Variants in EPHA6 observed in about 807,000 individuals in gnomAD.
The protein encoded by EPHA6 is EPH receptor A6, also known as ephrin type-A receptor 6.
A neutral mutation model predicts 112.0 loss-of-function variants in EPHA6; 50 were observed. The observed-to-expected ratio is 0.45, with a 90% CI of 0.36 to 0.56. The LOEUF is 0.56. EPHA6 is among the 20% of genes least tolerant of loss of function. EPHA6 has a pLI of 0.00. For missense variants in EPHA6, 1,280 were observed against 1,417.4 expected, an observed-to-expected ratio of 0.90 and a Z score of 1.56; for synonymous variants, 529 against 490.7, an observed-to-expected ratio of 1.08 and a Z score of -1.03.
intron 2 of EPHA6, among the ~76,000 whole-genome samples, chr3:96,882,405 G>T (rs1057068777): frequency 6.6e-6 from 1 of 152,130 alleles, no homozygotes; most frequent in African/African-American, 2.4e-5. Context: ...TTACATGCAT[G>T]AGTAAGTTCT....
At chr3:97,277,861 C>T (rs1249355429) in intron 5 of EPHA6, among the ~76,000 whole-genome samples, 3 of 152,122 alleles carry the variant, frequency 2.0e-5, no homozygotes, top group Non-Finnish European at 4.4e-5. Flanking sequence ...GACATGATTG[C>T]ATGCTATTGA....
At chr3:97,380,813 G>C (rs1213513530) in intron 5 of EPHA6, among the ~76,000 whole-genome samples, 1 of 151,938 alleles carries the variant, frequency 6.6e-6, no homozygotes, top group Non-Finnish European at 1.5e-5. Context: ...TTCCTTTTTA[G>C]ATATATTATT....
intron 2 of EPHA6, among the ~76,000 whole-genome samples, chr3:96,870,728 A>T (rs116586497): frequency 0.01 from 1,581 of 152,250 alleles, 26 homozygotes; most frequent in African/African-American, 0.036. Flanking sequence ...AGCAGAGATT[A>T]CAATCAACCT....
chr3:96,869,901 C>G (rs1245041576), intron 2 of EPHA6, among the ~76,000 whole-genome samples: 3 of 151,958 alleles, frequency 2.0e-5, no homozygotes, highest in African/African-American at 7.2e-5. Flanking sequence ...TTGTGTTTCT[C>G]TAATACTGAA....
intron 6 of EPHA6, among the ~76,000 whole-genome samples, chr3:97,420,559 CTG>C (rs954985504): frequency 6.6e-6 from 1 of 152,048 alleles, no homozygotes; most frequent in Non-Finnish European, 1.5e-5. Context: ...TGGATAAAAA[CTG>C]TTCCCAACAC....
intron 11 of EPHA6, among the ~76,000 whole-genome samples, chr3:97,535,612 C>T (rs773147172): frequency 2.6e-5 from 4 of 151,982 alleles, no homozygotes; most frequent in Non-Finnish European, 5.9e-5. Context: ...AGTAATTATT[C>T]CAAGATTACC....
At chr3:96,994,149 C>A in intron 3 of EPHA6, 1 of 291,364 alleles carries the variant, frequency 3.4e-6, no homozygotes, top group Non-Finnish European at 7.1e-6. Flanking sequence ...GCTGTATGAA[C>A]CAGGCTTAAA....
At chr3:96,927,752 A>G (rs2040112341) in intron 2 of EPHA6, among the ~76,000 whole-genome samples, 1 of 152,082 alleles carries the variant, frequency 6.6e-6, no homozygotes, top group Non-Finnish European at 1.5e-5. Flanking sequence ...CCCTGTTCCA[A>G]AGTCACTTCC....
chr3:96,850,824 A>C (rs914269845), intron 1 of EPHA6, among the ~76,000 whole-genome samples: 1 of 152,160 alleles, frequency 6.6e-6, no homozygotes, highest in Non-Finnish European at 1.5e-5. Flanking sequence ...ATCAGATTTC[A>C]TTGGAAGATG....
At chr3:96,947,721 A>G (rs373853966) in intron 2 of EPHA6, among the ~76,000 whole-genome samples, 1 of 152,208 alleles carries the variant, frequency 6.6e-6, no homozygotes, top group Non-Finnish European at 1.5e-5. Context: ...AAGGAGAACT[A>G]CAAACCACTG....
intron 2 of EPHA6, among the ~76,000 whole-genome samples, chr3:96,930,540 T>C (rs1178806284): frequency 6.6e-6 from 1 of 152,210 alleles, no homozygotes; most frequent in Non-Finnish European, 1.5e-5. Flanking sequence ...AATTGAAGGC[T>C]GTGAAACAGC....
intron 7 of EPHA6, among the ~76,000 whole-genome samples, chr3:97,454,336 G>A (rs1195438638): frequency 3.3e-5 from 5 of 151,526 alleles, no homozygotes; most frequent in Admixed American, 3.3e-4. Flanking sequence ...CACATAGTTA[G>A]GTTCCAATAT....
chr3:97,309,552 A>G (rs1188366197), intron 5 of EPHA6, among the ~76,000 whole-genome samples: 2 of 151,662 alleles, frequency 1.3e-5, no homozygotes, highest in Non-Finnish European at 3.0e-5. Flanking sequence ...ACAGAAATCA[A>G]ATAGTTAACT....
At chr3:97,602,415 A>T (rs988814696) in intron 12 of EPHA6, among the ~76,000 whole-genome samples, 3 of 151,992 alleles carry the variant, frequency 2.0e-5, no homozygotes, top group African/African-American at 4.8e-5. Context: ...CTTCCAGGAT[A>T]TTTCTAGGAT....
At chr3:97,538,221 G>A (rs983558402) in intron 11 of EPHA6, among the ~76,000 whole-genome samples, 8 of 152,094 alleles carry the variant, frequency 5.3e-5, no homozygotes, top group African/African-American at 1.9e-4. Context: ...ATAGAGTAAA[G>A]AAGTCAAGAG....
chr3:97,423,377 A>G (rs1266866186), intron 6 of EPHA6, among the ~76,000 whole-genome samples: 3 of 152,200 alleles, frequency 2.0e-5, no homozygotes, highest in Non-Finnish European at 2.9e-5. Flanking sequence ...ATGAGAGTCA[A>G]ATCAAGAATA....
intron 3 of EPHA6, among the ~76,000 whole-genome samples, chr3:97,075,399 AATTTG>A (rs2046484733): frequency 6.6e-6 from 1 of 152,022 alleles, no homozygotes; most frequent in Non-Finnish European, 1.5e-5. Context: ...CTACTGAAAT[AATTTG>A]ATTTGTTCTG....
chr3:97,118,643 T>C (rs1324822941), intron 3 of EPHA6, among the ~76,000 whole-genome samples: 1 of 151,886 alleles, frequency 6.6e-6, no homozygotes, highest in African/African-American at 2.4e-5. Context: ...TTGTATAGGG[T>C]AGAACTTGTA....
chr3:97,736,137 A>G lies in EPHA6; in HGVS notation c.3128+19A>G, dbSNP rs1355722677. ...TCCTTGTGTAAGAGGCATAATGTTG[A>G]GTTTTTTTCTTCTTGACAATTATGG... is the stretch of plus-strand genomic sequence containing the variant. On this transcript the variant is annotated intron_variant, in intron 16 of 17. Coordinates refer to ENST00000389672, the MANE Select transcript of EPHA6 (RefSeq NM_001080448.3). 2 of 1,583,888 alleles carry G rather than the reference A, an allele frequency of 1.3e-6. No homozygotes were observed. The highest frequency in any genetic ancestry group is 1.7e-6 in the Non-Finnish European group (2 of 1,161,170).
Sources: gnomAD v4.1 joint callset for allele counts (sites outside exome capture counted in the v4.1 genomes callset) on GRCh38, gnomAD v4.1.1 for gene constraint, MANE v1.5 for transcripts, NCBI Gene and HGNC (gene_info 2026-07-23, HGNC 2026-07-21) for gene names.